Variants in BCAT1 observed in about 807,000 individuals in gnomAD.
The protein encoded by BCAT1 is branched chain amino acid transaminase 1.
Under a neutral mutation model 52.4 loss-of-function variants are expected in BCAT1, and 48 were observed. The ratio of observed to expected loss-of-function variants is 0.92; its 90% CI spans 0.73 to 1.16. The LOEUF (loss-of-function observed/expected upper bound fraction) is 1.16. Ranked by LOEUF, BCAT1 falls within the 50% of genes most tolerant of loss-of-function variation. BCAT1 has a pLI of 0.00. For missense variants in BCAT1, 451 were observed against 457.1 expected (o/e 0.99, Z 0.12); for synonymous variants, 167 against 161.3 (o/e 1.04, Z -0.27).
chr12:24,897,212 T>A (rs776900267), intron 2 of BCAT1, among the ~76,000 whole-genome samples: 1 of 152,194 alleles, frequency 6.6e-6, no homozygotes, highest in Non-Finnish European at 1.5e-5. Flanking sequence ...GTGACAAGAA[T>A]GATTATGATC....
intron 5 of BCAT1, among the ~76,000 whole-genome samples, chr12:24,859,966 A>G (rs74396569): frequency 6.6e-6 from 1 of 152,202 alleles, no homozygotes; most frequent in Non-Finnish European, 1.5e-5. Flanking sequence ...AATTATGGGA[A>G]ACTCCTAAAT....
At chr12:24,833,654 T>C (rs938496365) in intron 8 of BCAT1, among the ~76,000 whole-genome samples, 4 of 152,158 alleles carry the variant, frequency 2.6e-5, no homozygotes, top group African/African-American at 9.7e-5. Flanking sequence ...TCTGTAATTT[T>C]AAGGGTGAGT....
At position 24,881,417 on chromosome 12, in the gene BCAT1, G is replaced by T. The variant is rs1942494029; in HGVS notation, c.280-6C>A. 2 of 1,578,972 alleles carry T rather than the reference G, an allele frequency of 1.3e-6. No individual in the cohort carries two copies. The highest frequency in any genetic ancestry group is 1.4e-5 in the African/African-American group (1 of 74,034). ...GCCTTCAATCCTTCAAATAACTGGAGATCAAAGAGAAAAAATCTTAGAGGG... is the reference window on the plus strand; with the variant it reads ...GCCTTCAATCCTTCAAATAACTGGATATCAAAGAGAAAAAATCTTAGAGGG... On this transcript the variant is annotated splice_region_variant and splice_polypyrimidine_tract_variant and intron_variant, in intron 3 of 10. Coordinates refer to ENST00000261192, the MANE Select transcript of BCAT1 (RefSeq NM_005504.7).
At chr12:24,893,551 G>T (rs1942892883) in intron 3 of BCAT1, among the ~76,000 whole-genome samples, 1 of 152,134 alleles carries the variant, frequency 6.6e-6, no homozygotes, top group Admixed American at 6.5e-5. Context: ...AGAACGTATT[G>T]CAGGAATTCA....
intron 1 of BCAT1, among the ~76,000 whole-genome samples, chr12:24,921,424 G>C (rs1326160124): frequency 6.6e-6 from 1 of 151,896 alleles, no homozygotes; most frequent in Admixed American, 6.6e-5. Flanking sequence ...TTCAGACTTG[G>C]TGTGATCCTC....
intron 1 of BCAT1, among the ~76,000 whole-genome samples, chr12:24,923,344 G>A (rs1943529938): frequency 6.6e-6 from 1 of 152,116 alleles, no homozygotes; most frequent in Non-Finnish European, 1.5e-5. Context: ...GAGAAGCCTT[G>A]GTCAACTGTG....
chr12:24,918,063 G>A (rs1943445939), intron 1 of BCAT1, among the ~76,000 whole-genome samples: 1 of 152,152 alleles, frequency 6.6e-6, no homozygotes, highest in African/African-American at 2.4e-5. Context: ...AGATGCTTTC[G>A]AAGTCCACTT....
chr12:24,920,849 C>T (rs546455666), intron 1 of BCAT1, among the ~76,000 whole-genome samples: 16 of 152,160 alleles, frequency 1.1e-4, no homozygotes, highest in Non-Finnish European at 2.1e-4. Flanking sequence ...AATTTGCTAG[C>T]GTGGTTCACA....
At chr12:24,920,937 G>C (rs923685486) in intron 1 of BCAT1, among the ~76,000 whole-genome samples, 1 of 152,158 alleles carries the variant, frequency 6.6e-6, no homozygotes, top group African/African-American at 2.4e-5. Context: ...CCAATGAAGA[G>C]ATACAAGGTC....
intron 5 of BCAT1, among the ~76,000 whole-genome samples, chr12:24,852,831 T>G (rs1307264235): frequency 6.6e-6 from 1 of 152,228 alleles, no homozygotes; most frequent in Non-Finnish European, 1.5e-5. Context: ...TTACAAGTAC[T>G]TCAAGTACTG....
intron 10 of BCAT1, among the ~76,000 whole-genome samples, chr12:24,821,373 A>C (rs909998030): frequency 4.6e-5 from 7 of 152,022 alleles, no homozygotes; most frequent in African/African-American, 1.7e-4. Context: ...GCTGCTTCCC[A>C]CTTTATGGAG....
chr12:24,810,037 AATTT>A lies in BCAT1; in HGVS notation c.*7967_*7970del, dbSNP rs1598073710. 1 of 152,180 alleles carries A rather than the reference AATTT, an allele frequency of 6.6e-6. No individual in the cohort carries two copies. Among genetic ancestry groups the A allele is most frequent in the South Asian group, 2.1e-4 (1 of 4,828 alleles). 9.4% of individuals were successfully genotyped at this position (152,180 alleles called of 1,614,324 possible). A position where few individuals can be genotyped will look rare whatever the true frequency, so the allele number is the denominator to read the frequency against. On this transcript the variant is annotated 3_prime_UTR_variant, in exon 11 of 11. Coordinates refer to ENST00000261192, the MANE Select transcript of BCAT1 (RefSeq NM_005504.7). ...ACAGTCAACATGAATCTTCCAACTCAATTTATTTGTTTCAGCTCACGAACTTTTC... is the reference window on the plus strand; with the variant it reads ...ACAGTCAACATGAATCTTCCAACTCAATTTGTTTCAGCTCACGAACTTTTC...
At chr12:24,821,846 G>GTATT (rs1244669680) in intron 10 of BCAT1, among the ~76,000 whole-genome samples, 1 of 152,166 alleles carries the variant, frequency 6.6e-6, no homozygotes, top group Non-Finnish European at 1.5e-5. Context: ...GAGTGAATGT[G>GTATT]TATTTGGACT....
intron 3 of BCAT1, among the ~76,000 whole-genome samples, chr12:24,884,446 T>C (rs1942598504): frequency 6.6e-6 from 1 of 152,208 alleles, no homozygotes; most frequent in Admixed American, 6.5e-5. Flanking sequence ...TAGTTAATAA[T>C]AATGTATCAT....
intron 7 of BCAT1, among the ~76,000 whole-genome samples, chr12:24,837,471 G>C (rs1368283895): frequency 6.8e-6 from 1 of 146,408 alleles, no homozygotes; most frequent in East Asian, 2.0e-4. Context: ...AGGTTACCCA[G>C]GCTGGAGTGC....
At chr12:24,842,588 CTA>C (rs1462910039) in intron 6 of BCAT1, among the ~76,000 whole-genome samples, 3 of 152,248 alleles carry the variant, frequency 2.0e-5, no homozygotes, top group African/African-American at 7.2e-5. Context: ...CACACCAATA[CTA>C]TGAGATAGAC....
intron 1 of BCAT1, among the ~76,000 whole-genome samples, chr12:24,942,898 A>C (rs1023054529): frequency 1.3e-5 from 2 of 152,240 alleles, no homozygotes; most frequent in Non-Finnish European, 1.5e-5. Flanking sequence ...GTGATAACTT[A>C]TGTGCTGTGA....
At chr12:24,829,276 C>T (rs1453056177) in intron 10 of BCAT1, among the ~76,000 whole-genome samples, 3 of 151,890 alleles carry the variant, frequency 2.0e-5, no homozygotes, top group Non-Finnish European at 4.4e-5. Context: ...CCCAGCTACT[C>T]GGGAGGCTGA....
intron 6 of BCAT1, among the ~76,000 whole-genome samples, chr12:24,848,847 C>A (rs767929440): frequency 9.9e-5 from 15 of 152,150 alleles, no homozygotes; most frequent in Non-Finnish European, 2.1e-4. Context: ...CTAAAGTTGC[C>A]AGTGGGGATG....
Sources: allele counts gnomAD v4.1 joint callset (sites outside exome capture counted in the v4.1 genomes callset), GRCh38; gene constraint gnomAD v4.1.1; transcripts MANE v1.5; gene names NCBI Gene and HGNC (gene_info 2026-07-23, HGNC 2026-07-21).